Variants in PPFIA2 observed in about 807,000 individuals in gnomAD.
PPFIA2 encodes liprin-alpha-2.
In PPFIA2, 46 loss-of-function variants were observed where a neutral mutation model predicts 175.5. The observed-to-expected ratio is 0.26, with a 90% CI of 0.21 to 0.34. PPFIA2 has a LOEUF of 0.34. PPFIA2 is among the 10% of genes least tolerant of loss of function. The probability of loss-of-function intolerance (pLI) is 1.00; values close to 1 mark genes in which losing one functional copy is unlikely to be tolerated. For missense variants in PPFIA2, 1,179 were observed against 1,506.1 expected (o/e 0.78, Z 3.60); for synonymous variants, 568 against 511.4 (o/e 1.11, Z -1.49).
rs533036086 is a variant in PPFIA2, at chr12:81,580,625, C to A, written c.303+96166G>T. On this transcript the variant is annotated intron_variant, in intron 4 of 32. Transcript: ENST00000549396. ...AAATGCTTACAATAATAAATTATTT[C>A]CCTCACTTATAACTTCTCTCTACCA... is the stretch of plus-strand genomic sequence containing the variant. 2.6e-5 allele frequency among the ~76,000 whole-genome samples: 4 copies of A among 151,278 alleles called. No individual in the cohort carries two copies. In the Admixed American group the frequency reaches 2.6e-4, roughly 10 times the overall value.
rs188127097 is a variant in PPFIA2 at position 81,542,989 on chromosome 12, A to C, written c.304-85123T>G. Among the ~76,000 whole-genome samples, 71 of 152,228 alleles carry C rather than the reference A, an allele frequency of 4.7e-4. No homozygotes were observed. The East Asian group carries it at 0.011, about 23-fold the overall frequency. ...TAGGATTCCCCTATCCCAGCTCTTA[A>C]AATTTCTTCCGCCATTTGTTTTAAG... On this transcript the variant is annotated intron_variant, in intron 4 of 32. Transcript: ENST00000549396.
At chr12:81,743,715 T>C (rs554430786) in intron 3 of PPFIA2, among the ~76,000 whole-genome samples, 1 of 152,186 alleles carries the variant, frequency 6.6e-6, no homozygotes, top group East Asian at 1.9e-4. Context: ...CAGTAGAGGA[T>C]AAAAGGCAAT....
intron 3 of PPFIA2, among the ~76,000 whole-genome samples, chr12:81,741,449 T>A (rs1027129346): frequency 4.6e-5 from 7 of 152,180 alleles, no homozygotes; most frequent in African/African-American, 1.4e-4. Context: ...GTATTTTTTT[T>A]AAACTCCAGC....
intron 7 of PPFIA2, among the ~76,000 whole-genome samples, chr12:81,429,514 T>C (rs1383297663): frequency 1.3e-5 from 2 of 152,014 alleles, no homozygotes; most frequent in Admixed American, 1.3e-4. Context: ...TAATAGAGTA[T>C]TGTTCAGCAA....
intron 4 of PPFIA2, among the ~76,000 whole-genome samples, chr12:81,484,802 T>C (rs957131180): frequency 6.6e-6 from 1 of 151,896 alleles, no homozygotes; most frequent in Non-Finnish European, 1.5e-5. Context: ...ATATTTCTAT[T>C]AAGGCTATAA....
Position 81,259,620 on chromosome 12 carries a change from TGGTAGTGCACTTTAGGTAGA to T in PPFIA2, c.*54_*73del, listed in dbSNP as rs1444765215. ...GGTTTTCACTGCTCGTCTTCTTAGATGGTAGTGCACTTTAGGTAGAGTAGACTGAAAAGACGCCATCTAAA... is the reference window on the plus strand; with the variant it reads ...GGTTTTCACTGCTCGTCTTCTTAGATGTAGACTGAAAAGACGCCATCTAAA... On this transcript the variant is annotated 3_prime_UTR_variant, in exon 33 of 33. Coordinates refer to ENST00000549396, the MANE Select transcript of PPFIA2 (RefSeq NM_003625.5). 10 of 1,531,584 alleles carry T rather than the reference TGGTAGTGCACTTTAGGTAGA, an allele frequency of 6.5e-6. No individual in the cohort carries two copies. The South Asian group carries it at 1.2e-4, about 18-fold the overall frequency. The allele number at this position is 1,531,584 out of a possible 1,614,324, so 94.9% of individuals were successfully genotyped here.
intron 9 of PPFIA2, among the ~76,000 whole-genome samples, chr12:81,376,391 G>A (rs2036363656): frequency 6.7e-6 from 1 of 150,006 alleles, no homozygotes; most frequent in South Asian, 2.1e-4. Flanking sequence ...TTAAGAAAGA[G>A]GAACTCTGTG....
At chr12:81,674,394 A>G (rs1157955785) in intron 4 of PPFIA2, among the ~76,000 whole-genome samples, 1 of 152,104 alleles carries the variant, frequency 6.6e-6, no homozygotes, top group Non-Finnish European at 1.5e-5. Flanking sequence ...TATTAAAATG[A>G]CATTTTTTAG....
At chr12:81,558,904 C>T (rs1594925474) in intron 4 of PPFIA2, among the ~76,000 whole-genome samples, 1 of 152,086 alleles carries the variant, frequency 6.6e-6, no homozygotes, top group Non-Finnish European at 1.5e-5. Flanking sequence ...ATTGTGTATT[C>T]AAAAGGCCAA....
At chr12:81,425,947 T>C (rs1401882571) in intron 7 of PPFIA2, among the ~76,000 whole-genome samples, 1 of 152,216 alleles carries the variant, frequency 6.6e-6, no homozygotes, top group Non-Finnish European at 1.5e-5. Flanking sequence ...GTAAAGAATT[T>C]GACCTTACCC....
chr12:81,621,866 T>C (rs759938850), intron 4 of PPFIA2, among the ~76,000 whole-genome samples: 1 of 152,166 alleles, frequency 6.6e-6, no homozygotes, highest in Non-Finnish European at 1.5e-5. Context: ...CTGTACATAT[T>C]ACCTAGGATT....
intron 4 of PPFIA2, among the ~76,000 whole-genome samples, chr12:81,531,548 C>G (rs1350705173): frequency 6.6e-6 from 1 of 151,064 alleles, no homozygotes; most frequent in Non-Finnish European, 1.5e-5. Context: ...TTACAAAGGA[C>G]AAAACAAAAC....
chr12:81,649,448 C>A (rs1382049931), intron 4 of PPFIA2, among the ~76,000 whole-genome samples: 2 of 152,158 alleles, frequency 1.3e-5, no homozygotes, highest in Non-Finnish European at 2.9e-5. Context: ...ATTTAGAATT[C>A]TCATACATTA....
chr12:81,279,163 T>G (rs1302053060), intron 27 of PPFIA2: 1 of 152,128 alleles, frequency 6.6e-6, no homozygotes, highest in Non-Finnish European at 1.5e-5. Context: ...ATTTGGACAC[T>G]TGGTGACAAC....
rs571661693 is a variant in PPFIA2, at chr12:81,270,429, T to C, written c.3311-2342A>G. On this transcript the variant is annotated intron_variant, in intron 28 of 32. Transcript: ENST00000549396. ...ACCTTACTTGGATATCAGGTCTTTATAGAAATGATCAATTAAAATGAGTCA... is the reference window on the plus strand; with the variant it reads ...ACCTTACTTGGATATCAGGTCTTTACAGAAATGATCAATTAAAATGAGTCA... 5.3e-5 allele frequency among the ~76,000 whole-genome samples: 8 copies of C among 152,332 alleles called. No homozygotes were observed. In the South Asian group the frequency reaches 8.3e-4, roughly 16 times the overall value.
At chr12:81,654,390 T>C (rs1262687115) in intron 4 of PPFIA2, among the ~76,000 whole-genome samples, 1 of 152,068 alleles carries the variant, frequency 6.6e-6, no homozygotes, top group Non-Finnish European at 1.5e-5. Flanking sequence ...AAAAGCCTAC[T>C]AACATAAAAT....
Position 81,701,087 on chromosome 12 carries a change from C to T in PPFIA2, c.250-24243G>A, listed in dbSNP as rs116172756. On this transcript the variant is annotated intron_variant, in intron 3 of 32. Transcript: ENST00000549396. ...TGACAGCTTGGGTTCCAGAATGAAACGGCTTCCTTCTGCACATACAGGTTA... is the reference window on the plus strand; with the variant it reads ...TGACAGCTTGGGTTCCAGAATGAAATGGCTTCCTTCTGCACATACAGGTTA... Among the ~76,000 whole-genome samples the T allele has an allele frequency of 3.0e-3, 452 of 152,180 alleles. 2 individuals are homozygous for T. Among genetic ancestry groups the T allele is most frequent in the African/African-American group, 8.8e-3 (367 of 41,528 alleles).
chr12:81,496,284 G>A (rs979073368), intron 4 of PPFIA2, among the ~76,000 whole-genome samples: 1 of 152,076 alleles, frequency 6.6e-6, no homozygotes, highest in Non-Finnish European at 1.5e-5. Context: ...TTATCCACAA[G>A]CAATGTGTGA....
intron 4 of PPFIA2, among the ~76,000 whole-genome samples, chr12:81,669,133 T>C (rs922594415): frequency 6.6e-6 from 1 of 151,956 alleles, no homozygotes; most frequent in Middle Eastern, 3.2e-3. Flanking sequence ...TTTCTTCCAG[T>C]GGTCAACATT....
Sources: allele counts gnomAD v4.1 joint callset (sites outside exome capture counted in the v4.1 genomes callset), GRCh38; gene constraint gnomAD v4.1.1; transcripts MANE v1.5; gene names NCBI Gene and HGNC (gene_info 2026-07-23, HGNC 2026-07-21).